Variants in IL1RAPL1 observed in about 807,000 individuals in gnomAD.
IL1RAPL1 encodes interleukin 1 receptor accessory protein like 1, also known as interleukin-1 receptor accessory protein-like 1.
In IL1RAPL1, 3 loss-of-function variants were observed where a neutral mutation model predicts 48.4. The ratio of observed to expected loss-of-function variants is 0.06; its 90% CI spans 0.03 to 0.16. The LOEUF (loss-of-function observed/expected upper bound fraction) is 0.16, where lower values mean the gene tolerates loss of function less well. IL1RAPL1 is among the 10% of genes least tolerant of loss of function. The probability of loss-of-function intolerance (pLI) is 1.00; values close to 1 mark genes in which losing one functional copy is unlikely to be tolerated. For synonymous variants in IL1RAPL1, 185 were observed against 187.7 expected (o/e 0.99, Z 0.12); for missense variants, 349 against 530.6 (o/e 0.66, Z 3.36).
At chrX:29,504,989 C>T (rs540257535) in intron 5 of IL1RAPL1, among the ~76,000 whole-genome samples, 8 of 111,032 alleles carry the variant, frequency 7.2e-5, no homozygotes, top group South Asian at 7.5e-4. Context: ...TTTTTCTTTT[C>T]GGTGAATGTA....
intron 5 of IL1RAPL1, among the ~76,000 whole-genome samples, chrX:29,644,877 G>A (rs1329615384): frequency 3.5e-5 from 4 of 112,795 alleles, no homozygotes; most frequent in East Asian, 5.6e-4. Context: ...TCTGTCGTAT[G>A]TTGTTGAATT....
At chrX:29,272,471 A>T (rs1932055970) in intron 2 of IL1RAPL1, among the ~76,000 whole-genome samples, 2 of 111,434 alleles carry the variant, frequency 1.8e-5, no homozygotes, top group African/African-American at 6.5e-5. Flanking sequence ...AACAATTCTG[A>T]ATATAGGCCC....
chrX:29,805,577 T>G (rs1021848073), intron 6 of IL1RAPL1, among the ~76,000 whole-genome samples: 1 of 111,922 alleles, frequency 8.9e-6, no homozygotes, highest in East Asian at 2.8e-4. Context: ...TACTATCTAT[T>G]AAAATTATTC....
intron 2 of IL1RAPL1, among the ~76,000 whole-genome samples, chrX:28,921,662 A>C (rs1284648859): frequency 4.5e-5 from 5 of 112,041 alleles, no homozygotes; most frequent in African/African-American, 1.6e-4. Context: ...GAGGATTTCA[A>C]GTCAAGAAAG....
chrX:29,901,203 C>A (rs1000745550), intron 6 of IL1RAPL1, among the ~76,000 whole-genome samples: 1 of 111,756 alleles, frequency 8.9e-6, no homozygotes, highest in Non-Finnish European at 1.9e-5. Context: ...CTCGTTGACC[C>A]GGTCTCAGGC....
intron 1 of IL1RAPL1, among the ~76,000 whole-genome samples, chrX:28,779,258 T>C (rs1936391305): frequency 9.0e-6 from 1 of 111,249 alleles, no homozygotes; most frequent in Non-Finnish European, 1.9e-5. Context: ...TTGAAGCCTT[T>C]TCCTAGCCAC....
chrX:28,704,365 A>G (rs1246128393), intron 1 of IL1RAPL1, among the ~76,000 whole-genome samples: 1 of 107,746 alleles, frequency 9.3e-6, no homozygotes, highest in Non-Finnish European at 1.9e-5. Context: ...CCCTCAGAAT[A>G]GTATTACTTC....
At chrX:29,233,919 A>T (rs5943625) in intron 2 of IL1RAPL1, among the ~76,000 whole-genome samples, 1 of 110,996 alleles carries the variant, frequency 9.0e-6, no homozygotes, top group Non-Finnish European at 1.9e-5. Flanking sequence ...AAGCGGGCCC[A>T]TGAGAGGGCC....
chrX:29,630,541 CTTT>C (rs58658010), intron 5 of IL1RAPL1, among the ~76,000 whole-genome samples: 3 of 97,464 alleles, frequency 3.1e-5, no homozygotes, highest in Non-Finnish European at 2.1e-5. Context: ...TTTCTCCAGA[CTTT>C]TTTTTTTTTT....
intron 2 of IL1RAPL1, among the ~76,000 whole-genome samples, chrX:28,944,188 T>A: frequency 9.0e-6 from 1 of 110,922 alleles, no homozygotes; most frequent in Non-Finnish European, 1.9e-5. Context: ...GAGAAAATTT[T>A]AAAAATCACA....
chrX:29,403,903 C>T (rs909768720), intron 5 of IL1RAPL1, among the ~76,000 whole-genome samples: 1 of 112,295 alleles, frequency 8.9e-6, no homozygotes, highest in Non-Finnish European at 1.9e-5. Context: ...TGTTTACGTA[C>T]AATTGTTTTA....
At chrX:29,295,251 C>T (rs996425618) in intron 3 of IL1RAPL1, among the ~76,000 whole-genome samples, 4 of 111,811 alleles carry the variant, frequency 3.6e-5, no homozygotes, top group African/African-American at 1.3e-4. Flanking sequence ...TCAATACAAA[C>T]CTAAACATTT....
chrX:29,684,429 G>GATACC (rs1171587360), intron 6 of IL1RAPL1, among the ~76,000 whole-genome samples: 2 of 111,776 alleles, frequency 1.8e-5, no homozygotes, highest in Non-Finnish European at 3.8e-5. Flanking sequence ...GTCACCTGCT[G>GATACC]ATACCATCAG....
intron 6 of IL1RAPL1, among the ~76,000 whole-genome samples, chrX:29,803,181 A>G (rs1388180119): frequency 3.4e-5 from 1 of 29,059 alleles, no homozygotes; most frequent in African/African-American, 1.5e-4. Flanking sequence ...GCATACATAT[A>G]TGTATATATG....
intron 5 of IL1RAPL1, among the ~76,000 whole-genome samples, chrX:29,530,157 A>G (rs1935598118): frequency 8.9e-6 from 1 of 111,763 alleles, no homozygotes; most frequent in African/African-American, 3.3e-5. Context: ...AATACTTAGT[A>G]TTTTTGTTTA....
intron 5 of IL1RAPL1, among the ~76,000 whole-genome samples, chrX:29,540,165 C>G (rs1321223719): frequency 3.6e-5 from 4 of 110,562 alleles, no homozygotes; most frequent in Non-Finnish European, 7.6e-5. Context: ...ATCAAGGAGG[C>G]AACCCCATTT....
intron 1 of IL1RAPL1, among the ~76,000 whole-genome samples, chrX:28,663,167 G>A (rs929619545): frequency 5.4e-5 from 6 of 112,119 alleles, no homozygotes; most frequent in African/African-American, 1.3e-4. Context: ...TCTTACCCCC[G>A]CCTAGACAAG....
At chrX:28,650,473 C>T (rs1221736787) in intron 1 of IL1RAPL1, among the ~76,000 whole-genome samples, 1 of 111,490 alleles carries the variant, frequency 9.0e-6, no homozygotes, top group Non-Finnish European at 1.9e-5. Flanking sequence ...ACAAGAACAG[C>T]ATGGGAAAGA....
At chrX:29,915,881 C>T (rs1357661374) in intron 6 of IL1RAPL1, among the ~76,000 whole-genome samples, 1 of 64,521 alleles carries the variant, frequency 1.5e-5, no homozygotes, top group Non-Finnish European at 3.0e-5. Context: ...GTATATCTCC[C>T]AATGCTATCC....
Sources: allele counts gnomAD v4.1 joint callset (sites outside exome capture counted in the v4.1 genomes callset), GRCh38; gene constraint gnomAD v4.1.1; transcripts MANE v1.5; gene names NCBI Gene and HGNC (gene_info 2026-07-23, HGNC 2026-07-21).